SLC35F1: variants seen among roughly 807,000 people sequenced by gnomAD.
SLC35F1 encodes solute carrier family 35 member F1.
In SLC35F1, 14 loss-of-function variants were observed where a neutral mutation model predicts 48.7. That is an observed-to-expected ratio of 0.29 (90% CI 0.19 to 0.45). The LOEUF (loss-of-function observed/expected upper bound fraction) is 0.45, where lower values mean the gene tolerates loss of function less well. Among genes scored for constraint, SLC35F1 ranks in the 20% least tolerant of loss-of-function variants. SLC35F1 has a pLI of 1.00. For missense variants in SLC35F1, 404 were observed against 500.0 expected, an observed-to-expected ratio of 0.81 and a Z score of 1.83; for synonymous variants, 190 against 202.2, an observed-to-expected ratio of 0.94 and a Z score of 0.51.
intron 1 of SLC35F1, among the ~76,000 whole-genome samples, chr6:118,056,663 A>T (rs1772467690): frequency 6.6e-6 from 1 of 152,224 alleles, no homozygotes; most frequent in Non-Finnish European, 1.5e-5. Flanking sequence ...GGTGAAGTTG[A>T]TACCTTGTAT....
At chr6:118,171,698 A>G (rs1774406459) in intron 2 of SLC35F1, among the ~76,000 whole-genome samples, 1 of 152,164 alleles carries the variant, frequency 6.6e-6, no homozygotes, top group Non-Finnish European at 1.5e-5. Flanking sequence ...ATTGTTTTAT[A>G]TTTCATTTCC....
At chr6:118,000,111 C>T (rs1056256557) in intron 1 of SLC35F1, among the ~76,000 whole-genome samples, 3 of 152,188 alleles carry the variant, frequency 2.0e-5, no homozygotes, top group Non-Finnish European at 2.9e-5. Flanking sequence ...AGGCCAGCAT[C>T]ATCCTGATAC....
intron 1 of SLC35F1, among the ~76,000 whole-genome samples, chr6:118,017,626 A>T (rs1471328211): frequency 1.3e-5 from 2 of 152,064 alleles, no homozygotes; most frequent in Non-Finnish European, 2.9e-5. Context: ...TCTGTGGTAG[A>T]TCTTTTGTGG....
rs527629474 is a variant in SLC35F1 at position 117,936,506 on chromosome 6, T to C, written c.173+28607T>C. On this transcript the variant is annotated intron_variant, in intron 1 of 7. Coordinates refer to ENST00000360388, the MANE Select transcript of SLC35F1 (RefSeq NM_001029858.4). ...ATCTTTGCAATTGAGTTCTCCTCCATGTTATCTGGATTGTGGTTTTCCTCA... is the reference window on the plus strand; with the variant it reads ...ATCTTTGCAATTGAGTTCTCCTCCACGTTATCTGGATTGTGGTTTTCCTCA... Among the ~76,000 whole-genome samples the C allele has an allele frequency of 1.0e-3, 153 of 152,344 alleles. 1 individual carries two copies. The highest frequency in any genetic ancestry group is 3.4e-3 in the African/African-American group (141 of 41,584).
intron 2 of SLC35F1, among the ~76,000 whole-genome samples, chr6:118,172,023 C>T (rs113811515): frequency 3.3e-5 from 5 of 152,114 alleles, no homozygotes; most frequent in African/African-American, 9.7e-5. Context: ...GCTATTAATA[C>T]TACCCAAGCC....
chr6:117,984,280 G>C (rs578073630), intron 1 of SLC35F1, among the ~76,000 whole-genome samples: 9 of 152,046 alleles, frequency 5.9e-5, no homozygotes, highest in Non-Finnish European at 1.3e-4. Flanking sequence ...AAATAAGCAG[G>C]CAGATCACGA....
At chr6:118,003,776 T>G (rs376710054) in intron 1 of SLC35F1, among the ~76,000 whole-genome samples, 1 of 152,152 alleles carries the variant, frequency 6.6e-6, no homozygotes, top group African/African-American at 2.4e-5. Flanking sequence ...CACTCAAAAT[T>G]ATATAAAGCT....
intron 1 of SLC35F1, among the ~76,000 whole-genome samples, chr6:117,997,295 TGATTGG>T (rs1490343571): frequency 6.6e-6 from 1 of 152,224 alleles, no homozygotes; most frequent in African/African-American, 2.4e-5. Context: ...AATCTACGTC[TGATTGG>T]TGTACCTGAA....
chr6:118,265,065 C>T (rs778103636), intron 3 of SLC35F1, among the ~76,000 whole-genome samples: 7 of 152,196 alleles, frequency 4.6e-5, no homozygotes, highest in Non-Finnish European at 8.8e-5. Context: ...TCTCAGCAAC[C>T]TCAGGGATAG....
intron 3 of SLC35F1, among the ~76,000 whole-genome samples, chr6:118,257,096 G>T (rs1319134875): frequency 6.6e-6 from 1 of 152,090 alleles, no homozygotes; most frequent in African/African-American, 2.4e-5. Flanking sequence ...TCCTTCCCAT[G>T]ATACCACCCA....
Position 118,197,022 on chromosome 6 carries a change from C to CA in SLC35F1, c.350-38473dup, listed in dbSNP as rs59183480. Among the ~76,000 whole-genome samples, 988 of 127,666 alleles carry CA rather than the reference C, an allele frequency of 7.7e-3. 8 individuals are homozygous for CA. The highest frequency in any genetic ancestry group is 0.023 in the African/African-American group (777 of 34,526). The allele number at this position is 127,666 out of a possible 152,430, so 83.8% of individuals were successfully genotyped here. The stretch of plus-strand genomic sequence containing the variant: ...ACCATTTTAGATACTCTTGCCACAC[C>CA]AAAAAAAAAAAAAAGTACTTCTGTG... On this transcript the variant is annotated intron_variant, in intron 2 of 7. Transcript: ENST00000360388.
At chr6:118,019,384 C>T (rs7775102) in intron 1 of SLC35F1, among the ~76,000 whole-genome samples, 4,057 of 152,000 alleles carry the variant, frequency 0.027, 183 homozygotes, top group African/African-American at 0.093. Flanking sequence ...TATTGATATA[C>T]GCTGAGGTGG....
At chr6:118,136,072 A>G (rs1314765955) in intron 1 of SLC35F1, among the ~76,000 whole-genome samples, 2 of 152,216 alleles carry the variant, frequency 1.3e-5, no homozygotes, top group Admixed American at 1.3e-4. Context: ...AAGCACCATG[A>G]AAGACAGAGT....
intron 3 of SLC35F1, among the ~76,000 whole-genome samples, chr6:118,256,835 T>G (rs558776316): frequency 7.9e-5 from 12 of 152,184 alleles, no homozygotes; most frequent in Non-Finnish European, 1.6e-4. Context: ...AGGGACTGTC[T>G]GTATATGCTC....
intron 1 of SLC35F1, among the ~76,000 whole-genome samples, chr6:118,017,410 A>G (rs1372134822): frequency 6.6e-6 from 1 of 152,214 alleles, no homozygotes; most frequent in Non-Finnish European, 1.5e-5. Context: ...ACTTATCAGC[A>G]ATATTTAGTA....
chr6:118,200,988 C>A (rs1370016610), intron 2 of SLC35F1, among the ~76,000 whole-genome samples: 1 of 152,144 alleles, frequency 6.6e-6, no homozygotes, highest in Non-Finnish European at 1.5e-5. Flanking sequence ...TGAGCTCAAG[C>A]AATCTTCCCG....
At chr6:118,062,187 A>G (rs1415612052) in intron 1 of SLC35F1, among the ~76,000 whole-genome samples, 1 of 152,208 alleles carries the variant, frequency 6.6e-6, no homozygotes, top group African/African-American at 2.4e-5. Context: ...CCAAAACTTC[A>G]ATTAGAATAA....
rs78613921 is a variant in SLC35F1, at chr6:118,026,207, G to A, written c.173+118308G>A. On this transcript the variant is annotated intron_variant, in intron 1 of 7. Coordinates refer to ENST00000360388, the MANE Select transcript of SLC35F1 (RefSeq NM_001029858.4). ...TTTGAAAGGATACTGAATATTTGGCGTATGAGCTAAACCTGAAAGGACAGC... is the reference window on the plus strand; with the variant it reads ...TTTGAAAGGATACTGAATATTTGGCATATGAGCTAAACCTGAAAGGACAGC... Among the ~76,000 whole-genome samples the A allele has an allele frequency of 4.8e-3, 732 of 152,246 alleles. 6 individuals are homozygous for A. Among genetic ancestry groups the A allele is most frequent in the African/African-American group, 0.016 (645 of 41,548 alleles).
intron 2 of SLC35F1, among the ~76,000 whole-genome samples, chr6:118,206,213 G>A (rs960689458): frequency 6.6e-6 from 1 of 152,146 alleles, no homozygotes; most frequent in Admixed American, 6.5e-5. Context: ...AAAGAAAACA[G>A]CCACTACACT....
Sources: gnomAD v4.1 joint callset for allele counts (sites outside exome capture counted in the v4.1 genomes callset) on GRCh38, gnomAD v4.1.1 for gene constraint, MANE v1.5 for transcripts, NCBI Gene and HGNC (gene_info 2026-07-23, HGNC 2026-07-21) for gene names.